Variants in CACNA2D1 observed in about 807,000 individuals in gnomAD.
CACNA2D1 encodes the protein voltage-dependent calcium channel subunit alpha-2/delta-1.
CACNA2D1 carries 53 observed loss-of-function variants against 171.5 expected under a neutral mutation model. The observed-to-expected ratio is 0.31, with a 90% CI of 0.25 to 0.39. The LOEUF is 0.39. Among genes scored for constraint, CACNA2D1 ranks in the 10% least tolerant of loss-of-function variants. CACNA2D1 has a pLI of 1.00. For missense variants in CACNA2D1, 903 were observed against 1,299.8 expected (o/e 0.69, Z 4.69); for synonymous variants, 442 against 443.1 (o/e 1.00, Z 0.03).
intron 2 of CACNA2D1, among the ~76,000 whole-genome samples, chr7:82,345,794 T>A (rs1345218454): frequency 2.0e-5 from 3 of 152,040 alleles, no homozygotes; most frequent in Admixed American, 6.6e-5. Flanking sequence ...TTGGGGACTG[T>A]TTTCCTATTT....
At chr7:82,071,259 T>G (rs2128992240) in intron 7 of CACNA2D1, among the ~76,000 whole-genome samples, 1 of 152,236 alleles carries the variant, frequency 6.6e-6, no homozygotes, top group Admixed American at 6.5e-5. Flanking sequence ...TCCTAGAGAA[T>G]ACTACCAGAA....
chr7:82,080,653 T>G (rs1173192065), intron 7 of CACNA2D1, among the ~76,000 whole-genome samples: 1 of 152,224 alleles, frequency 6.6e-6, no homozygotes, highest in African/African-American at 2.4e-5. Context: ...AAATTGACAT[T>G]TAATTGGACA....
At chr7:82,042,150 C>T (rs1017284634) in intron 10 of CACNA2D1, among the ~76,000 whole-genome samples, 2 of 152,128 alleles carry the variant, frequency 1.3e-5, no homozygotes, top group African/African-American at 4.8e-5. Context: ...AGTATAACTC[C>T]CTATAGCAAA....
chr7:81,960,862 C>T (rs1368903451), intron 36 of CACNA2D1, among the ~76,000 whole-genome samples: 3 of 152,006 alleles, frequency 2.0e-5, no homozygotes, highest in Non-Finnish European at 4.4e-5. Context: ...CTCCTCTAAA[C>T]AAGACAGTCT....
At chr7:82,418,818 C>A (rs1828433094) in intron 1 of CACNA2D1, among the ~76,000 whole-genome samples, 1 of 152,154 alleles carries the variant, frequency 6.6e-6, no homozygotes, top group African/African-American at 2.4e-5. Context: ...TTCAGAGCCA[C>A]ATATAAGACT....
chr7:82,399,691 C>T (rs1204450438), intron 1 of CACNA2D1, among the ~76,000 whole-genome samples: 1 of 133,414 alleles, frequency 7.5e-6, no homozygotes, highest in African/African-American at 2.8e-5. Flanking sequence ...CCACTCCCCA[C>T]CCCCCCAGCC....
chr7:81,991,067 G>A (rs994618125), intron 21 of CACNA2D1, 118 bp downstream of exon 21: 2 of 634,732 alleles, frequency 3.2e-6, no homozygotes, highest in Non-Finnish European at 5.9e-6. Flanking sequence ...TATAAGTTTA[G>A]TATGTTTTCA....
In CACNA2D1 at chr7:81,974,489, C is replaced by T; in HGVS notation, c.2019G>A (p.Glu673=). 5.1e-6 allele frequency: 8 copies of T among 1,571,906 alleles called. No individual in the cohort carries two copies. Among genetic ancestry groups the T allele is most frequent in the Non-Finnish European group, 7.0e-6 (8 of 1,143,370 alleles). ...TGTTTGGAGTTTTTCTATCAATAAACTCGTTGAAATTTAAAAGAAATTCAG... is the reference window on the plus strand; with the variant it reads ...TGTTTGGAGTTTTTCTATCAATAAATTCGTTGAAATTTAAAAGAAATTCAG... The part of the protein sequence containing the change: ...NNTEFLLNFN[E]FIDRKTPNNP... Residue 673 remains glutamate (E), a synonymous_variant, in exon 25 of 39, where the codon GAG becomes GAA. Coordinates refer to ENST00000356860, the MANE Select transcript of CACNA2D1 (RefSeq NM_000722.4).
chr7:82,110,935 T>C (rs1275402170), intron 6 of CACNA2D1, among the ~76,000 whole-genome samples: 3 of 151,972 alleles, frequency 2.0e-5, no homozygotes, highest in African/African-American at 7.3e-5. Flanking sequence ...TACACTCCAC[T>C]CCCCTCCAAT....
intron 3 of CACNA2D1, among the ~76,000 whole-genome samples, chr7:82,179,391 A>G (rs535732735): frequency 4.5e-4 from 69 of 152,244 alleles, no homozygotes; most frequent in African/African-American, 1.7e-3. Flanking sequence ...CTGATAATCT[A>G]GTCTAAAATC....
chr7:82,248,973 T>C (rs1805282800), intron 3 of CACNA2D1, among the ~76,000 whole-genome samples: 2 of 151,866 alleles, frequency 1.3e-5, no homozygotes, highest in Admixed American at 1.3e-4. Flanking sequence ...AAAAATTAGC[T>C]GGGCGTGGTG....
Position 82,194,204 on chromosome 7 carries a change from G to A in CACNA2D1, c.295-23595C>T, listed in dbSNP as rs185869894. 2.6e-3 allele frequency among the ~76,000 whole-genome samples: 401 copies of A among 152,042 alleles called. 3 individuals carry two copies. Among genetic ancestry groups the A allele is most frequent in the Non-Finnish European group, 3.9e-3 (268 of 67,950 alleles). On this transcript the variant is annotated intron_variant, in intron 3 of 38. Coordinates refer to ENST00000356860, the MANE Select transcript of CACNA2D1 (RefSeq NM_000722.4). ...TCATTCTCCCATCAGCTGCTCCGTA[G>A]GGCTGGGTTATCAATTATCATAAGC...
chr7:82,334,265 AC>A (rs1416819051), intron 3 of CACNA2D1, among the ~76,000 whole-genome samples: 1 of 152,188 alleles, frequency 6.6e-6, no homozygotes, highest in African/African-American at 2.4e-5. Context: ...ATTTTGGAAA[AC>A]AATTGTCATT....
intron 3 of CACNA2D1, among the ~76,000 whole-genome samples, chr7:82,333,075 TG>T (rs1381709805): frequency 6.6e-6 from 1 of 152,078 alleles, no homozygotes; most frequent in Non-Finnish European, 1.5e-5. Context: ...AAGAAGTTTA[TG>T]AAAAAAATTT....
chr7:81,960,874 C>T (rs990775525), intron 36 of CACNA2D1, among the ~76,000 whole-genome samples: 1 of 151,934 alleles, frequency 6.6e-6, no homozygotes, highest in African/African-American at 2.4e-5. Context: ...AGACAGTCTG[C>T]TTTTTTTCTG....
chr7:81,970,970 A>C, intron 26 of CACNA2D1: 1 of 506,240 alleles, frequency 2.0e-6, no homozygotes, highest in Non-Finnish European at 3.6e-6. Flanking sequence ...TGGAGTATGA[A>C]TTGACAGCAA....
At chr7:81,968,161 G>A (rs1251076706) in intron 29 of CACNA2D1, among the ~76,000 whole-genome samples, 1 of 151,394 alleles carries the variant, frequency 6.6e-6, no homozygotes, top group East Asian at 1.9e-4. Context: ...GTGAGTAAGT[G>A]ATGGAGTGAA....
At chr7:82,152,459 A>T (rs1793964638) in intron 4 of CACNA2D1, among the ~76,000 whole-genome samples, 1 of 151,992 alleles carries the variant, frequency 6.6e-6, no homozygotes, top group South Asian at 2.1e-4. Flanking sequence ...TTTCTAGTAA[A>T]AGTATGTTCC....
chr7:82,060,194 A>AT (rs1806579320), intron 10 of CACNA2D1, among the ~76,000 whole-genome samples: 1 of 10,566 alleles, frequency 9.5e-5, no homozygotes, highest in South Asian at 5.6e-3. Flanking sequence ...TATATATTAT[A>AT]TATATATTAT....
Sources: allele counts gnomAD v4.1 joint callset (sites outside exome capture counted in the v4.1 genomes callset), GRCh38; gene constraint gnomAD v4.1.1; transcripts MANE v1.5; gene names NCBI Gene and HGNC (gene_info 2026-07-23, HGNC 2026-07-21).